Variants in SVIL observed in about 807,000 individuals in gnomAD.
SVIL encodes archvillin.
SVIL carries 101 observed loss-of-function variants against 240.4 expected under a neutral mutation model. That is an observed-to-expected ratio of 0.42 (90% confidence interval 0.36 to 0.50). The LOEUF is 0.50. Among genes scored for constraint, SVIL ranks in the 20% least tolerant of loss-of-function variants. The probability of loss-of-function intolerance (pLI) is 0.01; values close to 1 mark genes in which losing one functional copy is unlikely to be tolerated. For missense variants in SVIL, 2,512 were observed against 2,818.7 expected (o/e 0.89, Z 2.46); for synonymous variants, 999 against 1,100.0 (o/e 0.91, Z 1.82).
chr10:29,496,083 G>A (rs1948422244), intron 18 of SVIL, among the ~76,000 whole-genome samples: 1 of 152,148 alleles, frequency 6.6e-6, no homozygotes. Flanking sequence ...GAGAGGTTAT[G>A]CAAATCACTA....
chr10:29,699,586 G>A (rs1962347591), intron 1 of SVIL, among the ~76,000 whole-genome samples: 1 of 152,212 alleles, frequency 6.6e-6, no homozygotes, highest in Admixed American at 6.5e-5. Context: ...TTACAGGTGT[G>A]AGCCGCCATG....
At chr10:29,566,509 C>G (rs1463090112) in intron 2 of SVIL, among the ~76,000 whole-genome samples, 1 of 152,114 alleles carries the variant, frequency 6.6e-6, no homozygotes, top group African/African-American at 2.4e-5. Flanking sequence ...ATGCAAGACC[C>G]CTCAAATCAA....
At chr10:29,480,492 G>C (rs762073882) in intron 29 of SVIL, 45 bp downstream of exon 29, 1 of 1,600,092 alleles carries the variant, frequency 6.2e-7, no homozygotes, top group Non-Finnish European at 8.5e-7. Context: ...CAGGGCTGCC[G>C]GGCCAGCCTC....
intron 29 of SVIL, among the ~76,000 whole-genome samples, chr10:29,475,930 A>ACC (rs1429408251): frequency 6.6e-6 from 1 of 152,184 alleles, no homozygotes; most frequent in East Asian, 1.9e-4. Context: ...GGTCATATTT[A>ACC]TTTGATTTTT....
chr10:29,636,005 A>G (rs1314736258), upstream of SVIL, among the ~76,000 whole-genome samples: 1 of 152,178 alleles, frequency 6.6e-6, no homozygotes, highest in Non-Finnish European at 1.5e-5. Context: ...TCTCCCTAAG[A>G]GGACAGTCCT....
At chr10:29,728,644 G>A (rs1275182496) in intron 1 of SVIL, among the ~76,000 whole-genome samples, 1 of 152,184 alleles carries the variant, frequency 6.6e-6, no homozygotes, top group Non-Finnish European at 1.5e-5. Context: ...AAAAAGAGTA[G>A]AGCAGCCTTG....
Position 29,551,236 on chromosome 10 carries a change from G to A in SVIL, c.188C>T (p.Ser63Phe). The change falls in exon 6 of 38, where the codon TCT becomes TTT. Residue 63 changes from serine to phenylalanine, a missense_variant. Physicochemically the swap from Ser to Phe is radical, Grantham distance 155. Around this residue, in one of 3 missense-constraint regions of SVIL, gnomAD observed 1,443 missense variants for 1,486.6 expected, o/e 0.97. Transcript: ENST00000355867. The stretch of plus-strand genomic sequence containing the variant: ...AGTTTGCTTTTCTAGAGAAGAATCA[G>A]AAGTTTCCTCCTCTTCATTTGATCG... ...IGRSNEEEET[S>F]DSSLEKQTRS... The A allele has an allele frequency of 1.2e-6, 2 of 1,604,010 alleles. No individual in the cohort carries two copies. Among genetic ancestry groups the A allele is most frequent in the East Asian group, 2.2e-5 (1 of 44,752 alleles).
chr10:29,526,277 C>CT (rs370630549), intron 13 of SVIL, among the ~76,000 whole-genome samples: 82 of 135,916 alleles, frequency 6.0e-4, no homozygotes, highest in African/African-American at 2.0e-3. Flanking sequence ...TCTCATTTTT[C>CT]TTTTTTTTTC....
chr10:29,642,928 C>T (rs931198124), intron 3 of SVIL, among the ~76,000 whole-genome samples: 7 of 152,290 alleles, frequency 4.6e-5, no homozygotes, highest in East Asian at 3.9e-4. Flanking sequence ...TCAAATGATC[C>T]GCCCACCTCA....
chr10:29,663,545 G>A (rs893888665), intron 2 of SVIL, among the ~76,000 whole-genome samples: 4 of 152,086 alleles, frequency 2.6e-5, no homozygotes, highest in East Asian at 1.9e-4. Flanking sequence ...TAGTAGAGAC[G>A]GGGTTTCACC....
At chr10:29,477,021 C>T (rs61848915) in intron 29 of SVIL, among the ~76,000 whole-genome samples, 9,455 of 152,158 alleles carry the variant, frequency 0.062, 348 homozygotes, top group South Asian at 0.093. Context: ...CGCCACTATG[C>T]CCAGCTAACT....
At chr10:29,727,432 A>T (rs1358713252) in intron 1 of SVIL, among the ~76,000 whole-genome samples, 3 of 147,486 alleles carry the variant, frequency 2.0e-5, no homozygotes, top group South Asian at 4.3e-4. Flanking sequence ...CCAGCTAATT[A>T]AAAAAAAAAA....
At chr10:29,470,580 A>G in intron 31 of SVIL, 97 bp from the exon 32 acceptor site, 4 of 1,409,948 alleles carry the variant, frequency 2.8e-6, no homozygotes, top group East Asian at 4.9e-5. Context: ...CAAGGCAGCC[A>G]CCTCCGTCCA....
Position 29,523,586 on chromosome 10 carries a change from G to A in SVIL, c.3028C>T (p.His1010Tyr). 6.2e-7 allele frequency: 1 copy of A among 1,614,168 alleles called. No homozygotes were observed. Among genetic ancestry groups the A allele is most frequent in the Non-Finnish European group, 8.5e-7 (1 of 1,180,024 alleles). The change falls in exon 15 of 38, where the codon CAC becomes TAC. Residue 1010 changes from histidine to tyrosine, a missense_variant. This residue lies in a region of SVIL where 1,443 missense variants were observed against 1,486.6 expected (regional missense o/e 0.97). Coordinates refer to ENST00000355867, the MANE Select transcript of SVIL (RefSeq NM_021738.3). ...AATTCCTTCGGTTCATCCCCGAGGT[G>A]GGTGATGGGAGGGTTCGCCCGTTCC... ...SLERANPPIT[H>Y]LGDEPKEFSM...
intron 1 of SVIL, among the ~76,000 whole-genome samples, chr10:29,700,564 G>A (rs1019983324): frequency 2.8e-5 from 4 of 141,908 alleles, no homozygotes; most frequent in Non-Finnish European, 4.5e-5. Flanking sequence ...TCCGCCTCCC[G>A]GGTTCACACC....
At position 29,470,503 on chromosome 10, in the gene SVIL, C is replaced by T. The variant is rs1482791170; in HGVS notation, c.5636-20G>A. 9 of 1,613,456 alleles carry T rather than the reference C, an allele frequency of 5.6e-6. No individual in the cohort carries two copies. Among genetic ancestry groups the T allele is most frequent in the Non-Finnish European group, 5.9e-6 (7 of 1,179,988 alleles). On this transcript the variant is annotated intron_variant, in intron 31 of 37. Coordinates refer to ENST00000355867, the MANE Select transcript of SVIL (RefSeq NM_021738.3). Reference sequence around the variant, plus strand: ...ACTCACCTGCAGGGGGCACCGGCGGCGCGGAGGAGTTAGCACGTGAGCGAG... The same window carrying T: ...ACTCACCTGCAGGGGGCACCGGCGGTGCGGAGGAGTTAGCACGTGAGCGAG...
Position 29,678,369 on chromosome 10 carries a change from C to T in SVIL, c.-301+8184G>A, listed in dbSNP as rs569410798. The stretch of plus-strand genomic sequence containing the variant: ...GCATGCAACCTAGCTCCCTCAAATG[C>T]GCAGTTCACAATAGGGTTCATGCTC... On this transcript the variant is annotated intron_variant, in intron 2 of 35. Transcript: ENST00000375400. Among the ~76,000 whole-genome samples, 19 of 152,102 alleles carry T rather than the reference C, an allele frequency of 1.2e-4. No individual in the cohort carries two copies. The East Asian group carries it at 2.3e-3, about 19-fold the overall frequency.
intron 30 of SVIL, 117 bp downstream of exon 30, chr10:29,473,721 G>A: frequency 7.2e-7 from 1 of 1,383,676 alleles, no homozygotes; most frequent in Non-Finnish European, 9.9e-7. Context: ...AAGTGCTTTG[G>A]GTGACGTGGT....
intron 3 of SVIL, among the ~76,000 whole-genome samples, chr10:29,653,829 T>C (rs985247137): frequency 5.9e-5 from 9 of 152,302 alleles, no homozygotes; most frequent in African/African-American, 2.2e-4. Context: ...TGGCATTGTT[T>C]TGTATTGTTT....
Sources: allele counts gnomAD v4.1 joint callset (sites outside exome capture counted in the v4.1 genomes callset), GRCh38; gene constraint gnomAD v4.1.1; regional missense constraint gnomAD v4.1.1; transcripts MANE v1.5; gene names NCBI Gene and HGNC (gene_info 2026-07-23, HGNC 2026-07-21).